GTF2H2C: variants seen among roughly 807,000 people sequenced by gnomAD.
GTF2H2C encodes the protein GTF2H2 family member C.
In GTF2H2C, 5 loss-of-function variants were observed where a neutral mutation model predicts 24.8. The ratio of observed to expected loss-of-function variants is 0.20; its 90% CI spans 0.11 to 0.42. The LOEUF is 0.42. GTF2H2C is among the 20% of genes least tolerant of loss of function. GTF2H2C has a pLI of 1.00. For missense variants in GTF2H2C, 45 were observed against 169.8 expected, an observed-to-expected ratio of 0.27 and a Z score of 4.08; for synonymous variants, 14 against 52.6, an observed-to-expected ratio of 0.27 and a Z score of 3.18.
chr5:69,590,037 A>G (rs1044021937), intron 15 of GTF2H2C, among the ~76,000 whole-genome samples: 12 of 148,006 alleles, frequency 8.1e-5, no homozygotes, highest in Admixed American at 2.8e-4. Flanking sequence ...GGCGCCTGCC[A>G]TCACGCCCAG....
At chr5:69,568,847 TA>T (rs1400094898) in intron 8 of GTF2H2C, 1 of 114,236 alleles carries the variant, frequency 8.8e-6, no homozygotes, top group Non-Finnish European at 1.8e-5. Context: ...AAAATCCAGT[TA>T]ATCTTAAAAT....
chr5:69,560,763 A>AT lies in GTF2H2C; in HGVS notation c.-132+369dup, dbSNP rs1041835075. ...TCCAGGAAACAGATCACTTAAAAAA[A>AT]TTTTTTTTTCTTCGAGACGGAGTCT... On this transcript the variant is annotated intron_variant, in intron 1 of 16. Transcript: ENST00000380729. Among the ~76,000 whole-genome samples the AT allele has an allele frequency of 4.0e-5, 6 of 151,364 alleles. 1 individual carries two copies. Among genetic ancestry groups the AT allele is most frequent in the East Asian group, 1.9e-4 (1 of 5,162 alleles).
intron 1 of GTF2H2C, among the ~76,000 whole-genome samples, chr5:69,562,267 G>A (rs1398193227): frequency 4.0e-5 from 6 of 151,894 alleles, no homozygotes; most frequent in South Asian, 2.1e-4. Flanking sequence ...GCAGTGAGCC[G>A]AGATCGCGCC....
At chr5:69,572,704 T>G (rs2112214177) in intron 9 of GTF2H2C, 154 bp downstream of exon 9, 1 of 261,120 alleles carries the variant, frequency 3.8e-6, no homozygotes, top group Admixed American at 7.3e-5. Flanking sequence ...AGTGTGGTGT[T>G]GGTTAGTAAT....
intron 15 of GTF2H2C, among the ~76,000 whole-genome samples, chr5:69,590,065 A>G (rs1205482331): frequency 6.7e-6 from 1 of 150,216 alleles, no homozygotes; most frequent in Non-Finnish European, 1.5e-5. Flanking sequence ...TTGTATTTTT[A>G]GTAGAGACGG....
intron 15 of GTF2H2C, among the ~76,000 whole-genome samples, chr5:69,590,029 C>T (rs1378451727): frequency 2.0e-5 from 3 of 146,392 alleles, no homozygotes; most frequent in East Asian, 4.2e-4. Flanking sequence ...GGATTATAGG[C>T]GCCTGCCATC....
intron 12 of GTF2H2C, among the ~76,000 whole-genome samples, chr5:69,580,078 G>GC (rs1363792886): frequency 1.4e-5 from 2 of 140,122 alleles, no homozygotes; most frequent in Non-Finnish European, 3.0e-5. Context: ...GGCTAGAAAG[G>GC]TATAAACTGT....
intron 1 of GTF2H2C, among the ~76,000 whole-genome samples, chr5:69,562,279 T>C (rs1770416185): frequency 6.6e-6 from 1 of 151,404 alleles, no homozygotes; most frequent in Non-Finnish European, 1.5e-5. Context: ...GATCGCGCCA[T>C]TGCACTCCAG....
At chr5:69,590,084 C>T (rs1771922036) in intron 15 of GTF2H2C, among the ~76,000 whole-genome samples, 1 of 150,724 alleles carries the variant, frequency 6.6e-6, no homozygotes, top group South Asian at 2.1e-4. Flanking sequence ...GGGGTTTCGC[C>T]ACGTTGGCCA....
At position 69,594,583 on chromosome 5, in the gene GTF2H2C, G is replaced by C. The variant is rs1772123121; in HGVS notation, c.*2385G>C. The C allele has an allele frequency of 8.6e-6, 1 of 116,258 alleles. No individual in the cohort carries two copies. Among genetic ancestry groups the C allele is most frequent in the African/African-American group, 3.0e-5 (1 of 33,536 alleles). The allele number at this position is 116,258 out of a possible 1,614,324, so 7.2% of individuals were successfully genotyped here. A position where few individuals can be genotyped will look rare whatever the true frequency, so the allele number is the denominator to read the frequency against. ...TTCACCTATAGGTAACCTGGTAACT[G>C]CTATTTTCTTCTGTGTGCTCTGTCA... On this transcript the variant is annotated 3_prime_UTR_variant, in exon 17 of 17. Coordinates refer to ENST00000380729, the MANE Select transcript of GTF2H2C (RefSeq NM_001376000.2).
At chr5:69,573,177 C>CAT (rs1389041126) in intron 9 of GTF2H2C, among the ~76,000 whole-genome samples, 1 of 145,566 alleles carries the variant, frequency 6.9e-6, no homozygotes, top group Non-Finnish European at 1.5e-5. Context: ...CACACACACA[C>CAT]ACACACGTAT....
In GTF2H2C at chr5:69,564,962, A is replaced by T. The variant is rs1166327895; in HGVS notation, c.-33-138A>T. 6 of 586,126 alleles carry T rather than the reference A, an allele frequency of 1.0e-5. No individual in the cohort carries two copies. In the East Asian group the frequency reaches 1.4e-4, roughly 14 times the overall value. The allele number at this position is 586,126 out of a possible 1,614,324, so 36.3% of individuals were successfully genotyped here. ...TTCTATGAAGATTTTTAAGACAATT[A>T]TTGAGTAAAATACAAAGAATAAGAT... On this transcript the variant is annotated intron_variant, in intron 2 of 16. Transcript: ENST00000380729.
intron 15 of GTF2H2C, among the ~76,000 whole-genome samples, chr5:69,589,875 C>CTTTTT (rs1160077149): frequency 0.021 from 1,258 of 60,472 alleles, 2 homozygotes; most frequent in African/African-American, 0.028. Context: ...TATTGCTATT[C>CTTTTT]TTTTTTTTTT....
intron 1 of GTF2H2C, among the ~76,000 whole-genome samples, chr5:69,562,202 C>T (rs1049489428): frequency 6.6e-6 from 1 of 152,178 alleles, no homozygotes; most frequent in African/African-American, 2.4e-5. Context: ...TCTTGTAATC[C>T]CAGCTACTCG....
At chr5:69,564,778 C>A (rs533322560) in intron 2 of GTF2H2C, among the ~76,000 whole-genome samples, 1 of 150,344 alleles carries the variant, frequency 6.7e-6, no homozygotes, top group South Asian at 2.1e-4. Flanking sequence ...TATAATAGTT[C>A]AACTACGCCC....
intron 8 of GTF2H2C, chr5:69,568,427 C>CATTGA: frequency 2.3e-6 from 1 of 427,160 alleles, no homozygotes; most frequent in East Asian, 4.9e-5. Context: ...AATAATACTA[C>CATTGA]ATTGAATATA....
chr5:69,577,540 C>T (rs1771371105), intron 9 of GTF2H2C, among the ~76,000 whole-genome samples: 2 of 126,822 alleles, frequency 1.6e-5, no homozygotes, highest in Admixed American at 1.6e-4. Context: ...ATTCTCCTGC[C>T]ACCACGTCCG....
At chr5:69,563,744 G>A (rs1770556115) in intron 2 of GTF2H2C, among the ~76,000 whole-genome samples, 1 of 151,948 alleles carries the variant, frequency 6.6e-6, no homozygotes, top group African/African-American at 2.4e-5. Flanking sequence ...TTATGTCCAC[G>A]TGTACTCAGT....
intron 12 of GTF2H2C, 135 bp downstream of exon 12, chr5:69,579,999 G>GAA: frequency 6.7e-6 from 4 of 595,962 alleles, no homozygotes; most frequent in Non-Finnish European, 8.2e-6. Flanking sequence ...CAGAGAAGTG[G>GAA]AAAAAAAAAA....
Sources: gnomAD v4.1 joint callset for allele counts (sites outside exome capture counted in the v4.1 genomes callset) on GRCh38, gnomAD v4.1.1 for gene constraint, MANE v1.5 for transcripts, NCBI Gene and HGNC (gene_info 2026-07-23, HGNC 2026-07-21) for gene names.